INPP5B: variants seen among roughly 807,000 people sequenced by gnomAD.
INPP5B encodes type II inositol 1,4,5-trisphosphate 5-phosphatase.
Under a neutral mutation model 118.5 loss-of-function variants are expected in INPP5B, and 90 were observed. The observed-to-expected ratio is 0.76, with a 90% CI of 0.64 to 0.90. INPP5B has a LOEUF of 0.90. Ranked by LOEUF, INPP5B falls within the 40% of genes least tolerant of loss-of-function variation. The probability of loss-of-function intolerance (pLI) is 0.00; values close to 1 mark genes in which losing one functional copy is unlikely to be tolerated. For missense variants in INPP5B, 984 were observed against 1,125.6 expected, an observed-to-expected ratio of 0.87 and a Z score of 1.80; for synonymous variants, 385 against 418.9, an observed-to-expected ratio of 0.92 and a Z score of 0.99.
At chr1:37,924,173 T>C (rs1201633019) in intron 7 of INPP5B, among the ~76,000 whole-genome samples, 1 of 150,896 alleles carries the variant, frequency 6.6e-6, no homozygotes, top group Non-Finnish European at 1.5e-5. Flanking sequence ...ACCATTTCTT[T>C]TTCTTTTTTT....
intron 5 of INPP5B, chr1:37,941,975 A>ATATATATATATATAT (rs1365512516): frequency 1.1e-5 from 1 of 91,772 alleles, no homozygotes; most frequent in Non-Finnish European, 2.3e-5. Flanking sequence ...ATATATATAT[A>ATATATATATATATAT]AAATAAAATA....
intron 7 of INPP5B, among the ~76,000 whole-genome samples, chr1:37,901,794 T>C (rs765573788): frequency 1.3e-5 from 2 of 152,122 alleles, no homozygotes; most frequent in Non-Finnish European, 2.9e-5. Flanking sequence ...TGACCAGATT[T>C]GCCATTACAC....
chr1:37,931,300 A>C, intron 7 of INPP5B: 1 of 614,874 alleles, frequency 1.6e-6, no homozygotes, highest in Non-Finnish European at 2.5e-6. Flanking sequence ...GCAGGGCACC[A>C]CTCCCCCACC....
intron 22 of INPP5B, 130 bp downstream of exon 22, chr1:37,865,631 A>G: frequency 1.0e-6 from 1 of 980,058 alleles, no homozygotes. Flanking sequence ...TAAGAGAAAG[A>G]GCAGGTTTGA....
intron 6 of INPP5B, among the ~76,000 whole-genome samples, chr1:37,933,325 G>T (rs1645562611): frequency 6.6e-6 from 1 of 152,038 alleles, no homozygotes; most frequent in Admixed American, 6.6e-5. Context: ...GAGGCGGGCA[G>T]ATCACGAGGT....
At chr1:37,909,087 C>T (rs1644597873) in intron 7 of INPP5B, among the ~76,000 whole-genome samples, 2 of 152,162 alleles carry the variant, frequency 1.3e-5, no homozygotes, top group South Asian at 2.1e-4. Flanking sequence ...TTCGATTTCT[C>T]CATCCTACAA....
intron 7 of INPP5B, among the ~76,000 whole-genome samples, chr1:37,921,905 G>A (rs905083831): frequency 1.3e-5 from 2 of 152,176 alleles, no homozygotes; most frequent in South Asian, 2.1e-4. Context: ...GCTGGCGAGC[G>A]CCTGTAATCC....
At chr1:37,919,696 C>T (rs951183716) in intron 7 of INPP5B, among the ~76,000 whole-genome samples, 5 of 152,050 alleles carry the variant, frequency 3.3e-5, no homozygotes, top group African/African-American at 4.8e-5. Flanking sequence ...TTTGGGAAGC[C>T]GGGAAGCCGA....
chr1:37,897,332 G>A (rs1644154907), intron 7 of INPP5B, among the ~76,000 whole-genome samples: 1 of 149,102 alleles, frequency 6.7e-6, no homozygotes, highest in South Asian at 2.2e-4. Flanking sequence ...TCGGATGGTT[G>A]CCGTGTCTGT....
intron 7 of INPP5B, among the ~76,000 whole-genome samples, chr1:37,927,794 C>T (rs1284141540): frequency 6.6e-6 from 1 of 152,124 alleles, no homozygotes; most frequent in Non-Finnish European, 1.5e-5. Flanking sequence ...TCCTTGGCCT[C>T]CCAAAGTGCA....
intron 19 of INPP5B, among the ~76,000 whole-genome samples, chr1:37,871,286 C>A (rs536685397): frequency 2.6e-5 from 4 of 151,122 alleles, no homozygotes; most frequent in African/African-American, 9.8e-5. Context: ...GGCAAAACCC[C>A]GTCTCTATAG....
chr1:37,905,217 A>G lies in INPP5B; in HGVS notation c.533-13763T>C, dbSNP rs1644464894. Among the ~76,000 whole-genome samples the G allele has an allele frequency of 3.9e-5, 6 of 152,296 alleles. No homozygotes were observed. In the South Asian group the frequency reaches 1.0e-3, roughly 26 times the overall value. On this transcript the variant is annotated intron_variant, in intron 7 of 23. Coordinates refer to ENST00000373024, the MANE Select transcript of INPP5B (RefSeq NM_005540.3). Reference sequence around the variant, plus strand: ...GGAGTTCAAGACCAGCCTGGCCAACATGGTGAAACCCCATCTCTACTAAAA... The same window carrying G: ...GGAGTTCAAGACCAGCCTGGCCAACGTGGTGAAACCCCATCTCTACTAAAA...
Position 37,907,940 on chromosome 1 carries a change from A to T in INPP5B, c.533-16486T>A, listed in dbSNP as rs1644553301. On this transcript the variant is annotated intron_variant, in intron 7 of 23. Coordinates refer to ENST00000373024, the MANE Select transcript of INPP5B (RefSeq NM_005540.3). This position sits in a 1 kb window ranked among gnomAD's most constrained non-coding sequence, Gnocchi z 4.3. ...AAACAGCCTTAACTGATGACATTCC[A>T]CCATTGTGATTTGTTCCTGCCCCAC... 6.6e-6 allele frequency among the ~76,000 whole-genome samples: 1 copy of T among 152,198 alleles called. No homozygotes were observed. Among genetic ancestry groups the T allele is most frequent in the African/African-American group, 2.4e-5 (1 of 41,436 alleles).
chr1:37,892,210 C>T (rs1570132105), intron 7 of INPP5B, among the ~76,000 whole-genome samples: 1 of 152,150 alleles, frequency 6.6e-6, no homozygotes, highest in Non-Finnish European at 1.5e-5. Flanking sequence ...TGAGTAGGCA[C>T]TTTAAAAGCA....
intron 7 of INPP5B, among the ~76,000 whole-genome samples, chr1:37,912,883 C>A (rs1051769935): frequency 5.3e-5 from 8 of 151,212 alleles, no homozygotes; most frequent in African/African-American, 1.9e-4. Flanking sequence ...CCTTCTTTAA[C>A]AAACAATTGC....
intron 7 of INPP5B, among the ~76,000 whole-genome samples, chr1:37,898,806 C>A (rs895229076): frequency 1.3e-5 from 2 of 152,000 alleles, no homozygotes; most frequent in Non-Finnish European, 2.9e-5. Flanking sequence ...TAACCTATAT[C>A]ACAAAGGTAT....
intron 23 of INPP5B, among the ~76,000 whole-genome samples, chr1:37,862,652 T>C (rs1357114557): frequency 2.6e-5 from 4 of 152,242 alleles, no homozygotes; most frequent in African/African-American, 4.8e-5. Flanking sequence ...GTTACTATAC[T>C]GAATACTACA....
chr1:37,895,935 C>A (rs61776670), intron 7 of INPP5B, among the ~76,000 whole-genome samples: 14,257 of 152,216 alleles, frequency 0.094, 834 homozygotes, highest in Middle Eastern at 0.23. Context: ...CGGCCACCAC[C>A]CCGTCTGGGA....
At chr1:37,902,492 A>G (rs947481158) in intron 7 of INPP5B, among the ~76,000 whole-genome samples, 4 of 152,286 alleles carry the variant, frequency 2.6e-5, no homozygotes, top group African/African-American at 9.6e-5. Context: ...GGCTTTGAGA[A>G]GCTGAGGCAG....
Sources: allele counts gnomAD v4.1 joint callset (sites outside exome capture counted in the v4.1 genomes callset), GRCh38; gene constraint gnomAD v4.1.1; non-coding constraint Gnocchi (gnomAD v3.1); transcripts MANE v1.5; gene names NCBI Gene and HGNC (gene_info 2026-07-23, HGNC 2026-07-21).